ERC2: variants seen among roughly 807,000 people sequenced by gnomAD.
ERC2 encodes ERC protein 2.
A neutral mutation model predicts 114.8 loss-of-function variants in ERC2; 42 were observed. That is an observed-to-expected ratio of 0.37 (90% CI 0.29 to 0.47). The LOEUF is 0.47. Among genes scored for constraint, ERC2 ranks in the 20% least tolerant of loss-of-function variants. ERC2 has a pLI of 0.99. For synonymous variants in ERC2, 454 were observed against 425.5 expected (o/e 1.07, Z -0.82); for missense variants, 939 against 1,150.7 (o/e 0.82, Z 2.66).
At chr3:56,088,055 T>C (rs1284746310) in intron 6 of ERC2, among the ~76,000 whole-genome samples, 1 of 152,284 alleles carries the variant, frequency 6.6e-6, no homozygotes, top group East Asian at 1.9e-4. Context: ...CGCTGTGTTT[T>C]CTTCAGGAAA....
intron 3 of ERC2, among the ~76,000 whole-genome samples, chr3:56,284,272 T>C (rs2054539675): frequency 6.6e-6 from 1 of 152,230 alleles, no homozygotes; most frequent in African/African-American, 2.4e-5. Context: ...TTCAATTGCA[T>C]AAAAAGCCAA....
intron 17 of ERC2, among the ~76,000 whole-genome samples, chr3:55,577,495 G>T (rs2057044517): frequency 6.6e-6 from 1 of 152,208 alleles, no homozygotes; most frequent in Admixed American, 6.5e-5. Flanking sequence ...CTCCCCAGCG[G>T]CTGCCTCTAT....
chr3:56,252,162 G>A (rs985757828), intron 3 of ERC2, among the ~76,000 whole-genome samples: 3 of 152,100 alleles, frequency 2.0e-5, no homozygotes, highest in Non-Finnish European at 4.4e-5. Context: ...TGCCTATTAG[G>A]CTTGGACATC....
chr3:55,636,943 TC>T (rs1370567907), intron 17 of ERC2, among the ~76,000 whole-genome samples: 1 of 152,152 alleles, frequency 6.6e-6, no homozygotes, highest in Non-Finnish European at 1.5e-5. Flanking sequence ...GAGAAGTCAG[TC>T]CCTCCTAGCT....
intron 3 of ERC2, among the ~76,000 whole-genome samples, chr3:56,293,967 G>A (rs1238429681): frequency 1.3e-5 from 2 of 152,202 alleles, no homozygotes; most frequent in African/African-American, 4.8e-5. Flanking sequence ...GTGAGAAATG[G>A]TGCTGCAGAT....
chr3:55,883,449 G>A (rs983709650), intron 14 of ERC2, among the ~76,000 whole-genome samples: 26 of 152,052 alleles, frequency 1.7e-4, no homozygotes, highest in Non-Finnish European at 2.9e-5. Flanking sequence ...AGTACCAGAG[G>A]TCATTGTGAT....
At chr3:56,076,563 C>A (rs1458684337) in intron 7 of ERC2, among the ~76,000 whole-genome samples, 1 of 152,114 alleles carries the variant, frequency 6.6e-6, no homozygotes, top group Non-Finnish European at 1.5e-5. Context: ...ATGTCACAGC[C>A]CCACGGGAAC....
intron 17 of ERC2, among the ~76,000 whole-genome samples, chr3:55,518,198 T>G (rs1377367290): frequency 6.6e-6 from 1 of 152,196 alleles, no homozygotes; most frequent in Non-Finnish European, 1.5e-5. Flanking sequence ...CCTAGTCAAT[T>G]GTTACTGTAC....
At chr3:56,162,197 A>AT (rs1234343621) in intron 4 of ERC2, among the ~76,000 whole-genome samples, 4 of 152,116 alleles carry the variant, frequency 2.6e-5, no homozygotes, top group African/African-American at 9.7e-5. Context: ...ATTGATTTGC[A>AT]TATATTGAAC....
intron 17 of ERC2, among the ~76,000 whole-genome samples, chr3:55,523,544 C>T (rs934548112): frequency 6.6e-6 from 1 of 152,150 alleles, no homozygotes; most frequent in Non-Finnish European, 1.5e-5. Flanking sequence ...ATCCTCTTGC[C>T]AAACACCGTC....
At chr3:56,246,609 G>A (rs2051728307) in intron 3 of ERC2, among the ~76,000 whole-genome samples, 1 of 152,066 alleles carries the variant, frequency 6.6e-6, no homozygotes. Flanking sequence ...GACAAGATAA[G>A]TGTCTTGTCT....
chr3:55,864,097 GTATATA>G (rs10548129), intron 14 of ERC2, among the ~76,000 whole-genome samples: 3 of 132,572 alleles, frequency 2.3e-5, no homozygotes, highest in Admixed American at 7.8e-5. Context: ...TCAGCAGCAG[GTATATA>G]TATATATATA....
intron 13 of ERC2, among the ~76,000 whole-genome samples, chr3:55,920,544 C>A (rs2065365447): frequency 6.6e-6 from 1 of 152,016 alleles, no homozygotes; most frequent in African/African-American, 2.4e-5. Flanking sequence ...CTGGAGGTAA[C>A]AATCAACACA....
intron 4 of ERC2, among the ~76,000 whole-genome samples, chr3:56,165,887 TTTTC>T (rs990299275): frequency 2.6e-5 from 4 of 152,022 alleles, no homozygotes; most frequent in African/African-American, 9.7e-5. Context: ...AATGTTTTTT[TTTTC>T]TTTCTAATTT....
chr3:56,106,144 AAT>A (rs1156858576), intron 6 of ERC2, among the ~76,000 whole-genome samples: 1 of 152,178 alleles, frequency 6.6e-6, no homozygotes, highest in East Asian at 1.9e-4. Context: ...CTAGTTTCTT[AAT>A]AAAGTAGGAT....
intron 14 of ERC2, among the ~76,000 whole-genome samples, chr3:55,780,428 A>G (rs1418389703): frequency 1.3e-5 from 2 of 152,210 alleles, no homozygotes; most frequent in African/African-American, 2.4e-5. Flanking sequence ...GACAATGGAA[A>G]AAGTTTCCAT....
intron 3 of ERC2, among the ~76,000 whole-genome samples, chr3:56,280,328 A>C (rs1307986466): frequency 6.6e-6 from 1 of 152,198 alleles, no homozygotes; most frequent in Non-Finnish European, 1.5e-5. Flanking sequence ...CCAGGACTGT[A>C]CAAGAATCAT....
At chr3:56,052,241 C>T (rs2075807002) in intron 7 of ERC2, among the ~76,000 whole-genome samples, 1 of 152,106 alleles carries the variant, frequency 6.6e-6, no homozygotes, top group African/African-American at 2.4e-5. Context: ...ATGCTTTCAG[C>T]CAGAAAAAGA....
At chr3:55,921,970 T>C (rs919604856) in intron 13 of ERC2, among the ~76,000 whole-genome samples, 1 of 152,138 alleles carries the variant, frequency 6.6e-6, no homozygotes, top group Non-Finnish European at 1.5e-5. Flanking sequence ...CTAACGATTG[T>C]ATAATATCAA....
Sources: gnomAD v4.1 joint callset for allele counts (sites outside exome capture counted in the v4.1 genomes callset) on GRCh38, gnomAD v4.1.1 for gene constraint, MANE v1.5 for transcripts, NCBI Gene and HGNC (gene_info 2026-07-23, HGNC 2026-07-21) for gene names.